ASB4: variants seen among roughly 807,000 people sequenced by gnomAD.
The protein encoded by ASB4 is ankyrin repeat and SOCS box protein 4.
ASB4 carries 35 observed loss-of-function variants against 38.6 expected under a neutral mutation model. The ratio of observed to expected loss-of-function variants is 0.91; its 90% CI spans 0.69 to 1.20. The LOEUF is 1.20. ASB4 is among the 50% of genes most tolerant of loss of function. ASB4 has a pLI of 0.00. For missense variants in ASB4, 557 were observed against 527.2 expected (o/e 1.06, Z -0.55); for synonymous variants, 195 against 201.3 (o/e 0.97, Z 0.26).
chr7:95,494,197 A>T (rs1005545218), intron 1 of ASB4, among the ~76,000 whole-genome samples: 2 of 152,194 alleles, frequency 1.3e-5, no homozygotes, highest in African/African-American at 4.8e-5. Flanking sequence ...CACCAGGCCC[A>T]CTTTTAATGT....
At chr7:95,482,257 A>T (rs923490193), upstream of ASB4, among the ~76,000 whole-genome samples, 1 of 152,244 alleles carries the variant, frequency 6.6e-6, no homozygotes, top group Non-Finnish European at 1.5e-5. Flanking sequence ...TATTCCACGA[A>T]GTTTAGATAC....
intron 3 of ASB4, among the ~76,000 whole-genome samples, chr7:95,529,395 T>C (rs1188297768): frequency 2.0e-5 from 3 of 152,240 alleles, no homozygotes; most frequent in African/African-American, 7.2e-5. Flanking sequence ...ATTCACAGCT[T>C]AAGTTCTACG....
At chr7:95,542,260 TA>T (rs1790980422), downstream of ASB4, 1 of 152,142 alleles carries the variant, frequency 6.6e-6, no homozygotes, top group Non-Finnish European at 1.5e-5. Context: ...CACAGTTTTT[TA>T]AAAAAATTAG....
chr7:95,508,435 A>G (rs1395874404), intron 2 of ASB4, among the ~76,000 whole-genome samples: 1 of 152,220 alleles, frequency 6.6e-6, no homozygotes, highest in Non-Finnish European at 1.5e-5. Flanking sequence ...ATTGTTAGAG[A>G]GGAAATATTA....
chr7:95,537,124 G>A (rs11974265), intron 4 of ASB4, among the ~76,000 whole-genome samples: 3,389 of 152,238 alleles, frequency 0.022, 124 homozygotes, highest in African/African-American at 0.076. Flanking sequence ...CAGGCACAGG[G>A]TGCAAAGTTC....
chr7:95,471,108 C>T, the ASB4 span, among the ~76,000 whole-genome samples: 3 of 152,228 alleles, frequency 2.0e-5, no homozygotes, highest in Admixed American at 6.5e-5. Flanking sequence ...CCCCTTGGCT[C>T]ATTTCTAAGT....
intron 1 of ASB4, among the ~76,000 whole-genome samples, chr7:95,487,656 A>G (rs1241786341): frequency 1.3e-5 from 2 of 152,152 alleles, no homozygotes; most frequent in African/African-American, 4.8e-5. Context: ...ATCTTCCTTG[A>G]AGGAAAAGAA....
At chr7:95,551,317 A>G in the ASB4 span, among the ~76,000 whole-genome samples, 1 of 152,194 alleles carries the variant, frequency 6.6e-6, no homozygotes, top group Non-Finnish European at 1.5e-5. Context: ...AGTTATTCAC[A>G]TATCCCTTGT....
At chr7:95,528,714 C>T (rs1203738321) in intron 3 of ASB4, 11 of 1,050,548 alleles carry the variant, frequency 1.0e-5, no homozygotes, top group Admixed American at 4.9e-5. Context: ...AAGGGCCACC[C>T]GATTTTCCAG....
chr7:95,508,826 G>C (rs944660971), intron 2 of ASB4, among the ~76,000 whole-genome samples: 1 of 152,206 alleles, frequency 6.6e-6, no homozygotes, highest in Non-Finnish European at 1.5e-5. Context: ...TGGACAAAGA[G>C]AACACAGAGA....
At chr7:95,514,379 T>A (rs974907465) in intron 2 of ASB4, among the ~76,000 whole-genome samples, 4 of 152,226 alleles carry the variant, frequency 2.6e-5, no homozygotes, top group African/African-American at 9.7e-5. Context: ...ACCAAAGCCC[T>A]TTAGCAATAG....
At chr7:95,511,213 C>CT (rs1398660438) in intron 2 of ASB4, among the ~76,000 whole-genome samples, 1 of 152,190 alleles carries the variant, frequency 6.6e-6, no homozygotes, top group African/African-American at 2.4e-5. Flanking sequence ...GTGGACCCCT[C>CT]TCTTTTCCAA....
downstream of ASB4, among the ~76,000 whole-genome samples, chr7:95,544,885 G>C (rs891724962): frequency 1.3e-5 from 2 of 151,912 alleles, no homozygotes; most frequent in African/African-American, 4.8e-5. Flanking sequence ...TGATAGACAG[G>C]GGGTTTCACT....
At position 95,528,031 on chromosome 7, in the gene ASB4, C is replaced by T. The variant is rs746370299; in HGVS notation, c.706C>T (p.Arg236Cys). 10 of 1,613,976 alleles carry T rather than the reference C, an allele frequency of 6.2e-6. No individual in the cohort carries two copies. Among genetic ancestry groups the T allele is most frequent in the African/African-American group, 2.7e-5 (2 of 74,894 alleles). ...CAGCACGGAGCACCACCTGGTCTGC[C>T]GCATGCTGCTTGACTACAAAGCCGA... The part of the protein sequence containing the change: ...EYSTEHHLVC[R>C]MLLDYKAEVN... The change falls in exon 3 of 5, where the codon CGC becomes TGC. Residue 236 changes from arginine to cysteine, a missense_variant. Physicochemically the swap from Arg to Cys is radical, Grantham distance 180 (BLOSUM62 -3). Transcript: ENST00000325885.
At chr7:95,543,434 T>A (rs1000490923), downstream of ASB4, 1 of 152,166 alleles carries the variant, frequency 6.6e-6, no homozygotes, top group Non-Finnish European at 1.5e-5. Flanking sequence ...CCTCTAGGGA[T>A]CTGACTGATG....
intron 2 of ASB4, 139 bp from the exon 3 acceptor site, chr7:95,527,669 GGGGGC>G: frequency 1.2e-6 from 1 of 818,498 alleles, no homozygotes; most frequent in Non-Finnish European, 1.9e-6. Flanking sequence ...AAGAGAGCCT[GGGGGC>G]AAAGGGGTTG....
upstream of ASB4, among the ~76,000 whole-genome samples, chr7:95,475,180 G>A (rs1018436554): frequency 5.5e-4 from 83 of 152,076 alleles, no homozygotes; most frequent in African/African-American, 1.8e-3. Context: ...CTGAAGTACC[G>A]AAAAATTTGA....
chr7:95,490,683 G>A (rs564560785), intron 1 of ASB4, among the ~76,000 whole-genome samples: 5 of 152,324 alleles, frequency 3.3e-5, no homozygotes, highest in East Asian at 3.9e-4. Context: ...CTCTCCAAAC[G>A]CTGGAGCAGA....
At chr7:95,480,946 A>G (rs970354767), upstream of ASB4, among the ~76,000 whole-genome samples, 1 of 152,214 alleles carries the variant, frequency 6.6e-6, no homozygotes, top group Non-Finnish European at 1.5e-5. Context: ...GTGATCAAAT[A>G]GAATATCTAA....
Sources: gnomAD v4.1 joint callset for allele counts (sites outside exome capture counted in the v4.1 genomes callset) on GRCh38, gnomAD v4.1.1 for gene constraint, MANE v1.5 for transcripts, NCBI Gene and HGNC (gene_info 2026-07-23, HGNC 2026-07-21) for gene names.